Variants in AKAP9 observed in about 807,000 individuals in gnomAD.
AKAP9 encodes A-kinase anchor protein 9.
Under a neutral mutation model 488.5 loss-of-function variants are expected in AKAP9, and 311 were observed. The ratio of observed to expected loss-of-function variants is 0.64; its 90% confidence interval spans 0.58 to 0.70. The LOEUF is 0.70. AKAP9 is among the 30% of genes least tolerant of loss of function. The probability of loss-of-function intolerance (pLI) is 0.00; values close to 1 mark genes in which losing one functional copy is unlikely to be tolerated. For synonymous variants in AKAP9, 1,462 were observed against 1,483.5 expected, an observed-to-expected ratio of 0.99 and a Z score of 0.33; for missense variants, 4,215 against 4,374.5, an observed-to-expected ratio of 0.96 and a Z score of 1.03.
chr7:91,953,814 C>G (rs996392962), intron 1 of AKAP9, among the ~76,000 whole-genome samples: 1 of 94,086 alleles, frequency 1.1e-5, no homozygotes, highest in Non-Finnish European at 2.4e-5. Flanking sequence ...TACCCCCCGC[C>G]CCCCACCACA....
At chr7:92,103,133 G>A (rs1221746491) in intron 46 of AKAP9, among the ~76,000 whole-genome samples, 1 of 152,146 alleles carries the variant, frequency 6.6e-6, no homozygotes, top group Non-Finnish European at 1.5e-5. Context: ...CCTCATGCCT[G>A]TAATCCCAGC....
chr7:92,063,445 T>C lies in AKAP9; in HGVS notation c.5977+959T>C, dbSNP rs1232008961. The C allele has an allele frequency of 1.1e-5, 11 of 982,620 alleles. No homozygotes were observed. In the Middle Eastern group the frequency reaches 1.6e-3, roughly 139 times the overall value. The allele number at this position is 982,620 out of a possible 1,614,324, so 60.9% of individuals were successfully genotyped here. On this transcript the variant is annotated intron_variant, in intron 24 of 49. Coordinates refer to ENST00000356239, the MANE Select transcript of AKAP9 (RefSeq NM_005751.5). ...CTTTTGTTGTGTCTTTTTTTTTTTT[T>C]TTCTCTATTTTCCTAGGACTAGTAG...
intron 14 of AKAP9, among the ~76,000 whole-genome samples, chr7:92,027,899 C>T (rs1803580181): frequency 6.6e-6 from 1 of 152,128 alleles, no homozygotes; most frequent in South Asian, 2.1e-4. Flanking sequence ...GTTACTGTGT[C>T]TGTGTAGAAA....
Position 92,014,347 on chromosome 7 carries a change from C to T in AKAP9, c.3612+19C>T, listed in dbSNP as rs764336009. 1.3e-6 allele frequency: 2 copies of T among 1,537,880 alleles called. No homozygotes were observed. The highest frequency in any genetic ancestry group is 1.8e-6 in the Non-Finnish European group (2 of 1,114,826). The stretch of plus-strand genomic sequence containing the variant: ...TTTACAGGTAAAATGTTTAAAAGTA[C>T]TTTTATGGCCAGATGTGGTGGCTGA... On this transcript the variant is annotated intron_variant, in intron 10 of 49. Coordinates refer to ENST00000356239, the MANE Select transcript of AKAP9 (RefSeq NM_005751.5).
chr7:92,087,890 T>A lies in AKAP9; in HGVS notation c.9213+1474T>A, dbSNP rs568249878. 3.7e-4 allele frequency among the ~76,000 whole-genome samples: 56 copies of A among 150,700 alleles called. No homozygotes were observed. The South Asian group carries it at 0.011, about 30-fold the overall frequency. On this transcript the variant is annotated intron_variant, in intron 37 of 49. Coordinates refer to ENST00000356239, the MANE Select transcript of AKAP9 (RefSeq NM_005751.5). ...CCATACTGATATAAATAAATAAATA[T>A]ATATATAAATAAATAAATAGTATTA...
chr7:92,007,747 A>G (rs1053578436), intron 8 of AKAP9, among the ~76,000 whole-genome samples: 2 of 152,246 alleles, frequency 1.3e-5, no homozygotes, highest in Non-Finnish European at 2.9e-5. Context: ...ATGCACAAGA[A>G]GAGTCAATAA....
rs1349651490 is a variant in AKAP9 at position 92,022,872 on chromosome 7, A to ACTT, written c.4011_4012insCTT (p.Glu1337_Glu1338insLeu). 1.9e-6 allele frequency: 3 copies of ACTT among 1,540,958 alleles called. No individual in the cohort carries two copies. In the African/African-American group the frequency reaches 4.3e-5, roughly 22 times the overall value. On this transcript the variant is annotated inframe_insertion, in exon 14 of 50. Coordinates refer to ENST00000356239, the MANE Select transcript of AKAP9 (RefSeq NM_005751.5). ...AAGATCTTGAAAAAACTAAACTTGA[A>ACTT]GAACAAGTTCAAGAATTAGAAAGCC...
At chr7:92,084,492 T>TAAA in intron 33 of AKAP9, 148 bp from the exon 34 acceptor site, 3 of 503,966 alleles carry the variant, frequency 6.0e-6, no homozygotes, top group Admixed American at 3.5e-5. Flanking sequence ...ACAGACTTGT[T>TAAA]AAAAAAAAAA....
chr7:92,089,472 A>G lies in AKAP9; in HGVS notation c.9301A>G (p.Met3101Val). 6.2e-7 allele frequency: 1 copy of G among 1,613,442 alleles called. No individual in the cohort carries two copies. The highest frequency in any genetic ancestry group is 1.1e-5 in the South Asian group (1 of 91,060). Residue 3101 changes from methionine to valine, a missense_variant, in exon 38 of 50, where the codon ATG becomes GTG. Around this residue, in one of 5 missense-constraint regions of AKAP9, gnomAD observed 1,476 missense variants for 1,477.4 expected, o/e 1.00. Coordinates refer to ENST00000356239, the MANE Select transcript of AKAP9 (RefSeq NM_005751.5). ...LSEIQALHAQ[M>V]NGRKITLKRE... Reference sequence around the variant, plus strand: ...TGAAATTCAGGCACTGCATGCACAAATGAATGGTAGGAAAATTACTCTGAA... The same window carrying G: ...TGAAATTCAGGCACTGCATGCACAAGTGAATGGTAGGAAAATTACTCTGAA...
chr7:91,981,634 G>A (rs1796422880), intron 3 of AKAP9, among the ~76,000 whole-genome samples: 1 of 138,560 alleles, frequency 7.2e-6, no homozygotes, highest in Non-Finnish European at 1.5e-5. Context: ...CACCAAGATG[G>A]AGTCTCACTC....
intron 21 of AKAP9, among the ~76,000 whole-genome samples, chr7:92,046,403 G>A (rs1807007692): frequency 6.6e-6 from 1 of 152,094 alleles, no homozygotes; most frequent in Admixed American, 6.5e-5. Context: ...AATTTCATGT[G>A]GAGAAATGAA....
chr7:92,051,014 A>T (rs1315347436), intron 21 of AKAP9, among the ~76,000 whole-genome samples: 1 of 152,162 alleles, frequency 6.6e-6, no homozygotes, highest in East Asian at 1.9e-4. Flanking sequence ...CTGCATTGCT[A>T]CAATTTGCTT....
intron 1 of AKAP9, 47 bp downstream of exon 1, chr7:91,941,194 AGCACGGG>A: frequency 1.3e-6 from 2 of 1,580,298 alleles, no homozygotes; most frequent in Non-Finnish European, 1.7e-6. Flanking sequence ...GGCGGTGGCT[AGCACGGG>A]GTGGGAGGGG....
intron 47 of AKAP9, among the ~76,000 whole-genome samples, chr7:92,106,228 A>T (rs898245320): frequency 1.3e-5 from 2 of 152,224 alleles, no homozygotes; most frequent in Non-Finnish European, 2.9e-5. Flanking sequence ...TATAACTGCC[A>T]AAACTAGGTA....
In AKAP9 at chr7:92,070,152, C is replaced by T. The variant is rs1339431900; in HGVS notation, c.6453C>T (p.Phe2151=). 2 of 1,614,038 alleles carry T rather than the reference C, an allele frequency of 1.2e-6. No individual in the cohort carries two copies. The highest frequency in any genetic ancestry group is 1.1e-5 in the South Asian group (1 of 91,048). ...ATGAAGAAATAGAGAAACTGGAGTT[C>T]AGAGTAAGAGAACTGGAGCAGGCGC... is the stretch of plus-strand genomic sequence containing the variant. ...ERNEEIEKLE[F]RVRELEQALL... Residue 2151 remains phenylalanine, a synonymous_variant, in exon 27 of 50, where the codon TTC becomes TTT. Transcript: ENST00000356239.
chr7:92,077,633 A>G lies in AKAP9; in HGVS notation c.6766-63A>G, dbSNP rs1399613388. 6 of 1,397,236 alleles carry G rather than the reference A, an allele frequency of 4.3e-6. No homozygotes were observed. In the East Asian group the frequency reaches 1.1e-4, roughly 27 times the overall value. The allele number at this position is 1,397,236 out of a possible 1,614,324, so 86.6% of individuals were successfully genotyped here. A position where few individuals can be genotyped will look rare whatever the true frequency, so the allele number is the denominator to read the frequency against. ...CGTTATAGGCTCTGATTTCTTTTGT[A>G]ATTATGTTCTGAAAATGATAGGTAA... is the stretch of plus-strand genomic sequence containing the variant. On this transcript the variant is annotated intron_variant, in intron 29 of 49. Transcript: ENST00000356239.
intron 22 of AKAP9, chr7:92,058,471 G>C (rs958483349): frequency 2.4e-6 from 1 of 412,876 alleles, no homozygotes; most frequent in Non-Finnish European, 4.8e-6. Context: ...TAAATTTTGA[G>C]TGTCTATATT....
chr7:92,107,703 T>C (rs1818735821), intron 48 of AKAP9: 1 of 304,246 alleles, frequency 3.3e-6, no homozygotes, highest in Non-Finnish European at 6.4e-6. Context: ...TACAAAAAAT[T>C]AGCCAGGCGT....
chr7:91,994,495 G>A (rs1246256843), intron 5 of AKAP9, 126 bp from the exon 6 acceptor site: 2 of 852,062 alleles, frequency 2.3e-6, no homozygotes, highest in Admixed American at 3.0e-5. Flanking sequence ...GTTTTCAAAT[G>A]TGGAAAATAC....
Sources: allele counts gnomAD v4.1 joint callset (sites outside exome capture counted in the v4.1 genomes callset), GRCh38; gene constraint gnomAD v4.1.1; regional missense constraint gnomAD v4.1.1; transcripts MANE v1.5; gene names NCBI Gene and HGNC (gene_info 2026-07-23, HGNC 2026-07-21).